TEC: variants seen among roughly 807,000 people sequenced by gnomAD.
TEC encodes the protein tec protein tyrosine kinase, also known as tyrosine-protein kinase Tec.
TEC carries 72 observed loss-of-function variants against 93.0 expected under a neutral mutation model. The ratio of observed to expected loss-of-function variants is 0.77; its 90% CI spans 0.64 to 0.94. The LOEUF (loss-of-function observed/expected upper bound fraction) is 0.94. Among genes scored for constraint, TEC ranks in the 40% least tolerant of loss-of-function variants. The probability of loss-of-function intolerance (pLI) is 0.00; values close to 1 mark genes in which losing one functional copy is unlikely to be tolerated. For missense variants in TEC, 630 were observed against 757.9 expected (o/e 0.83, Z 1.98); for synonymous variants, 249 against 247.7 (o/e 1.01, Z -0.05).
intron 2 of TEC, among the ~76,000 whole-genome samples, chr4:48,199,455 C>CT (rs34965891): frequency 0.014 from 970 of 67,384 alleles, 93 homozygotes; most frequent in Admixed American, 0.031. Flanking sequence ...GATTTTCTTT[C>CT]TTTTTTTTTT....
At chr4:48,263,935 C>A (rs1263172692) in intron 1 of TEC, among the ~76,000 whole-genome samples, 1 of 152,158 alleles carries the variant, frequency 6.6e-6, no homozygotes, top group African/African-American at 2.4e-5. Flanking sequence ...CAGCAACACA[C>A]TGCTATGACT....
chr4:48,239,185 T>A (rs1339694067), intron 1 of TEC, among the ~76,000 whole-genome samples: 1 of 152,152 alleles, frequency 6.6e-6, no homozygotes, highest in Non-Finnish European at 1.5e-5. Context: ...GTAAAAGAAG[T>A]CAAAATTTTG....
intron 2 of TEC, among the ~76,000 whole-genome samples, chr4:48,188,892 C>T (rs538520802): frequency 2.6e-5 from 4 of 152,132 alleles, no homozygotes; most frequent in Admixed American, 6.5e-5. Flanking sequence ...TGTGTGTGCG[C>T]GCCCATGCAT....
In TEC at chr4:48,170,310, T is replaced by G; in HGVS notation, c.392A>C (p.Gln131Pro). 2 of 1,561,000 alleles carry G rather than the reference T, an allele frequency of 1.3e-6. No individual in the cohort carries two copies. The highest frequency in any genetic ancestry group is 2.7e-5 in the African/African-American group (2 of 73,978). Residue 131 changes from glutamine to proline, a missense_variant, in exon 5 of 18, where the codon CAG becomes CCG. By Grantham distance (76) the Gln-to-Pro change is moderately conservative (BLOSUM62 -1). Transcript: ENST00000381501. ...TAATTTTTCAGTTTGTCTACAACAC[T>G]GATAACTTCCATCTGTCCAGAATTT... ...HPKFWTDGSYQCCRQTEKLAP... is the reference protein window; with the variant it reads ...HPKFWTDGSYPCCRQTEKLAP...
At chr4:48,216,698 C>T (rs958951278) in intron 2 of TEC, among the ~76,000 whole-genome samples, 5 of 152,098 alleles carry the variant, frequency 3.3e-5, no homozygotes, top group Non-Finnish European at 7.4e-5. Flanking sequence ...TGAATATGTT[C>T]AGTGGAAAAA....
At chr4:48,233,360 T>TC (rs1373345767) in intron 1 of TEC, among the ~76,000 whole-genome samples, 1 of 145,634 alleles carries the variant, frequency 6.9e-6, no homozygotes, top group Non-Finnish European at 1.5e-5. Flanking sequence ...TTTTTTTTTT[T>TC]AAAGACAAGG....
chr4:48,164,430 C>A (rs1720797359), intron 7 of TEC, among the ~76,000 whole-genome samples: 1 of 152,086 alleles, frequency 6.6e-6, no homozygotes, highest in Non-Finnish European at 1.5e-5. Flanking sequence ...AAGATGCACT[C>A]TTATGTAAGT....
intron 2 of TEC, among the ~76,000 whole-genome samples, chr4:48,223,733 A>G (rs1374650533): frequency 6.6e-6 from 1 of 152,168 alleles, no homozygotes; most frequent in Non-Finnish European, 1.5e-5. Flanking sequence ...GGCATCTGGG[A>G]ACTTGGACTT....
In TEC at chr4:48,145,392, G is replaced by A; in HGVS notation, c.1253+16C>T. The A allele has an allele frequency of 6.2e-7, 1 of 1,613,812 alleles. No individual in the cohort carries two copies. The highest frequency in any genetic ancestry group is 8.5e-7 in the Non-Finnish European group (1 of 1,179,742). ...TTAATACAAAAAGATGAGCCAGAAA[G>A]ATGATAGCAACTTACATCATCACTT... On this transcript the variant is annotated intron_variant, in intron 13 of 17. Transcript: ENST00000381501.
At chr4:48,264,004 G>C (rs1287474383) in intron 1 of TEC, among the ~76,000 whole-genome samples, 1 of 152,166 alleles carries the variant, frequency 6.6e-6, no homozygotes, top group Non-Finnish European at 1.5e-5. Flanking sequence ...GCCACTATTA[G>C]CAGACTGGAC....
chr4:48,208,612 G>A (rs1419296140), intron 2 of TEC, among the ~76,000 whole-genome samples: 6 of 151,136 alleles, frequency 4.0e-5, no homozygotes, highest in Admixed American at 4.0e-4. Context: ...TGGCTTCTCC[G>A]TGGCCTGCCC....
intron 2 of TEC, among the ~76,000 whole-genome samples, chr4:48,184,581 C>A (rs1051768860): frequency 3.3e-5 from 5 of 152,136 alleles, no homozygotes; most frequent in African/African-American, 7.2e-5. Flanking sequence ...TTATAAAGAA[C>A]CTCTGTTTGT....
intron 9 of TEC, 28 bp downstream of exon 9, chr4:48,156,652 A>G (rs762575091): frequency 3.8e-6 from 6 of 1,596,120 alleles, no homozygotes; most frequent in African/African-American, 2.7e-5. Flanking sequence ...TTTGCCCTTA[A>G]GCCAAACCCA....
chr4:48,253,064 A>G (rs1285781142), intron 1 of TEC, among the ~76,000 whole-genome samples: 1 of 152,184 alleles, frequency 6.6e-6, no homozygotes, highest in Non-Finnish European at 1.5e-5. Context: ...AACTTACTCT[A>G]TTTCCCCTGA....
At chr4:48,266,838 CAAA>C (rs5858113) in intron 1 of TEC, among the ~76,000 whole-genome samples, 4 of 132,352 alleles carry the variant, frequency 3.0e-5, no homozygotes, top group Non-Finnish European at 6.4e-5. Flanking sequence ...AACTCTGTCT[CAAA>C]AAAAAAAAAA....
chr4:48,194,738 G>T (rs1215189288), intron 2 of TEC, among the ~76,000 whole-genome samples: 1 of 152,148 alleles, frequency 6.6e-6, no homozygotes, highest in Non-Finnish European at 1.5e-5. Flanking sequence ...CAGGTCTCTA[G>T]TAGCAGACGG....
chr4:48,216,035 ATC>A (rs1723067591), intron 2 of TEC, among the ~76,000 whole-genome samples: 1 of 152,144 alleles, frequency 6.6e-6, no homozygotes, highest in Non-Finnish European at 1.5e-5. Context: ...CAAATCAACT[ATC>A]TCCTTGTATT....
chr4:48,188,276 A>C (rs1721966720), intron 2 of TEC, among the ~76,000 whole-genome samples: 1 of 152,218 alleles, frequency 6.6e-6, no homozygotes, highest in Admixed American at 6.5e-5. Flanking sequence ...GTGGTAAGGC[A>C]GGAGTTTCAG....
At chr4:48,267,606 C>G (rs1227667600) in intron 1 of TEC, among the ~76,000 whole-genome samples, 1 of 152,222 alleles carries the variant, frequency 6.6e-6, no homozygotes, top group Non-Finnish European at 1.5e-5. Flanking sequence ...ACCAAGGCAG[C>G]TGGCCCCCAA....
Sources: allele counts gnomAD v4.1 joint callset (sites outside exome capture counted in the v4.1 genomes callset), GRCh38; gene constraint gnomAD v4.1.1; transcripts MANE v1.5; gene names NCBI Gene and HGNC (gene_info 2026-07-23, HGNC 2026-07-21).